SOX6: variants seen among roughly 807,000 people sequenced by gnomAD.
SOX6 encodes transcription factor SOX-6.
In SOX6, 11 loss-of-function variants were observed where a neutral mutation model predicts 97.8. The ratio of observed to expected loss-of-function variants is 0.11; its 90% CI spans 0.07 to 0.19. The LOEUF (loss-of-function observed/expected upper bound fraction) is 0.19, where lower values mean the gene tolerates loss of function less well. Ranked by LOEUF, SOX6 falls within the 10% of genes least tolerant of loss-of-function variation. SOX6 has a pLI of 1.00. For missense variants in SOX6, 810 were observed against 1,039.5 expected, an observed-to-expected ratio of 0.78 and a Z score of 3.04; for synonymous variants, 360 against 371.4, an observed-to-expected ratio of 0.97 and a Z score of 0.35.
chr11:16,547,672 A>G (rs946604287), intron 4 of SOX6, among the ~76,000 whole-genome samples: 13 of 152,108 alleles, frequency 8.5e-5, no homozygotes, highest in African/African-American at 2.9e-4. Flanking sequence ...GTTAATGGGT[A>G]CAAACAGAGA....
chr11:16,709,153 C>T (rs998085638), intron 3 of SOX6, among the ~76,000 whole-genome samples: 4 of 152,174 alleles, frequency 2.6e-5, no homozygotes, highest in African/African-American at 4.8e-5. Flanking sequence ...ATCATTGGAG[C>T]GGATCTCTCA....
At chr11:16,068,895 C>T (rs551965630) in intron 9 of SOX6, among the ~76,000 whole-genome samples, 22 of 152,230 alleles carry the variant, frequency 1.4e-4, no homozygotes, top group African/African-American at 4.1e-4. Flanking sequence ...ATTCTGAGTT[C>T]GTTAGGGGAA....
intron 3 of SOX6, chr11:16,315,108 T>C (rs1033294959): frequency 2.0e-5 from 3 of 152,076 alleles, no homozygotes; most frequent in South Asian, 2.1e-4. Flanking sequence ...TGGCTAATTT[T>C]TGTATTTTTA....
chr11:16,592,083 A>G (rs945664165), intron 4 of SOX6, among the ~76,000 whole-genome samples: 1 of 152,066 alleles, frequency 6.6e-6, no homozygotes, highest in African/African-American at 2.4e-5. Flanking sequence ...GTACAAGTTT[A>G]TAACATATAT....
At chr11:16,624,290 C>T (rs1011467008) in intron 3 of SOX6, among the ~76,000 whole-genome samples, 9 of 151,806 alleles carry the variant, frequency 5.9e-5, no homozygotes, top group South Asian at 4.2e-4. Flanking sequence ...CGGGTTTGAA[C>T]GATTCTCCTG....
chr11:16,430,762 G>A (rs1339171539), intron 1 of SOX6, among the ~76,000 whole-genome samples: 1 of 152,118 alleles, frequency 6.6e-6, no homozygotes, highest in Non-Finnish European at 1.5e-5. Context: ...CAAGTTGACT[G>A]AGACACCTCC....
intron 6 of SOX6, among the ~76,000 whole-genome samples, chr11:16,118,050 G>A (rs777783674): frequency 6.6e-6 from 1 of 152,126 alleles, no homozygotes; most frequent in Non-Finnish European, 1.5e-5. Context: ...AAGTAAAACT[G>A]ATTTTGCTAG....
intron 10 of SOX6, among the ~76,000 whole-genome samples, 188 bp downstream of exon 10, chr11:16,055,564 G>T (rs569663702): frequency 1.3e-5 from 2 of 152,084 alleles, no homozygotes; most frequent in Admixed American, 1.3e-4. Flanking sequence ...CTCACAATAC[G>T]GCACTATTGT....
rs760384949 is a variant in SOX6 at position 16,701,893 on chromosome 11, C to CA, written n.429+12936dup. Among the ~76,000 whole-genome samples the CA allele has an allele frequency of 6.6e-3, 899 of 135,730 alleles. 3 individuals are homozygous for CA. Among genetic ancestry groups the CA allele is most frequent in the Non-Finnish European group, 0.012 (769 of 62,798 alleles). The allele number at this position is 135,730 out of a possible 152,430, so 89.0% of individuals were successfully genotyped here. On this transcript the variant is annotated intron_variant and non_coding_transcript_variant, in intron 3 of 5. Coordinates refer to the SOX6 transcript ENST00000524520. Reference sequence around the variant, plus strand: ...TGGGCGACAGAGCAAGACTCCGTCTCAAAAAAAAAAAGGATATGCAACTTT... The same window carrying CA: ...TGGGCGACAGAGCAAGACTCCGTCTCAAAAAAAAAAAAGGATATGCAACTTT...
In SOX6 at chr11:16,494,492, A is replaced by G. The variant is rs72873353; in HGVS notation, n.610-18104T>C. Reference sequence around the variant, plus strand: ...TAAAAAGCGATATACAAAAGCAAATATGTATAATAAAGTACCATTTGTGTT... The same window carrying G: ...TAAAAAGCGATATACAAAAGCAAATGTGTATAATAAAGTACCATTTGTGTT... On this transcript the variant is annotated intron_variant and non_coding_transcript_variant, in intron 4 of 5. Coordinates refer to the SOX6 transcript ENST00000524520. Among the ~76,000 whole-genome samples, 785 of 152,334 alleles carry G rather than the reference A, an allele frequency of 5.2e-3. 6 individuals carry two copies. The highest frequency in any genetic ancestry group is 8.3e-3 in the Non-Finnish European group (564 of 68,018).
chr11:16,649,723 A>G (rs915837494), intron 3 of SOX6, among the ~76,000 whole-genome samples: 8 of 152,182 alleles, frequency 5.3e-5, no homozygotes, highest in Admixed American at 2.6e-4. Flanking sequence ...AACAGAAAAA[A>G]AAAAGGTTTT....
chr11:15,994,029 A>G (rs373078214), intron 13 of SOX6, among the ~76,000 whole-genome samples: 1 of 152,350 alleles, frequency 6.6e-6, no homozygotes. Context: ...TATTAATTCA[A>G]TAAACACTTC....
intron 1 of SOX6, among the ~76,000 whole-genome samples, chr11:16,381,948 C>A (rs1226689845): frequency 2.0e-5 from 3 of 151,774 alleles, no homozygotes; most frequent in African/African-American, 7.3e-5. Context: ...GGAAAAAAAA[C>A]ACACACATAC....
At chr11:16,065,258 C>T (rs115127125) in intron 9 of SOX6, among the ~76,000 whole-genome samples, 1,840 of 151,874 alleles carry the variant, frequency 0.012, 36 homozygotes, top group African/African-American at 0.042. Flanking sequence ...AAAGTAATGC[C>T]ACTTACAATA....
At chr11:16,577,173 T>C (rs750134247) in intron 4 of SOX6, 1 of 152,212 alleles carries the variant, frequency 6.6e-6, no homozygotes, top group Non-Finnish European at 1.5e-5. Flanking sequence ...ATTCATAGTT[T>C]TAAAAATGGA....
intron 9 of SOX6, among the ~76,000 whole-genome samples, chr11:16,068,594 G>A (rs1031975644): frequency 6.6e-6 from 1 of 152,056 alleles, no homozygotes; most frequent in African/African-American, 2.4e-5. Flanking sequence ...ATGAGAGAAC[G>A]GGAGTAGGGG....
At chr11:16,491,821 T>C (rs1189461571) in intron 4 of SOX6, among the ~76,000 whole-genome samples, 1 of 152,296 alleles carries the variant, frequency 6.6e-6, no homozygotes, top group East Asian at 1.9e-4. Context: ...TCTCATATCA[T>C]ACAATGCAAA....
intron 3 of SOX6, among the ~76,000 whole-genome samples, chr11:16,632,662 A>G (rs1285543891): frequency 6.6e-6 from 1 of 152,224 alleles, no homozygotes; most frequent in Non-Finnish European, 1.5e-5. Context: ...CGAATAGGTG[A>G]GCACCAAGCA....
rs1853294248 is a variant in SOX6, at chr11:15,971,183, G to A, written c.*1626C>T. 1 of 152,644 alleles carries A rather than the reference G, an allele frequency of 6.6e-6. No homozygotes were observed. The highest frequency in any genetic ancestry group is 2.4e-5 in the African/African-American group (1 of 41,448). The allele number at this position is 152,644 out of a possible 1,614,324, so 9.5% of individuals were successfully genotyped here. A position where few individuals can be genotyped will look rare whatever the true frequency, so the allele number is the denominator to read the frequency against. On this transcript the variant is annotated 3_prime_UTR_variant, in exon 16 of 16. Coordinates refer to ENST00000683767, the MANE Select transcript of SOX6 (RefSeq NM_001367873.1). ...TAACAGTAGGAACATCCCATATAGG[G>A]AATGTATTCCCCTCCTTCTCCTCCC...
Sources: allele counts gnomAD v4.1 joint callset (sites outside exome capture counted in the v4.1 genomes callset), GRCh38; gene constraint gnomAD v4.1.1; transcripts MANE v1.5; gene names NCBI Gene and HGNC (gene_info 2026-07-23, HGNC 2026-07-21).